The following SCN2A variants were observed in gnomAD, a reference collection of about 807,000 sequenced individuals.
The protein encoded by SCN2A is sodium voltage-gated channel alpha subunit 2.
A neutral mutation model predicts 188.7 loss-of-function variants in SCN2A; 20 were observed. The ratio of observed to expected loss-of-function variants is 0.11; its 90% CI spans 0.07 to 0.15. SCN2A has a LOEUF of 0.15. Among genes scored for constraint, SCN2A ranks in the 10% least tolerant of loss-of-function variants. The pLI, the probability that SCN2A is intolerant of heterozygous loss-of-function variation, is 1.00. For missense variants in SCN2A, 1,278 were observed against 2,445.0 expected, an observed-to-expected ratio of 0.52 and a Z score of 10.07; for synonymous variants, 804 against 833.1, an observed-to-expected ratio of 0.97 and a Z score of 0.60.
chr2:165,314,250 G>A lies in SCN2A; in HGVS notation c.1383+142G>A, dbSNP rs969787170. 1.4e-5 allele frequency: 11 copies of A among 794,708 alleles called. No individual in the cohort carries two copies. The East Asian group carries it at 2.9e-4, about 21-fold the overall frequency. 49.2% of individuals were successfully genotyped at this position (794,708 alleles called of 1,614,324 possible). ...TGCTAGGAGCCTGTTTGGTTATTAAGAAGTTATTACTTTATTGCAATGATC... is the reference window on the plus strand; with the variant it reads ...TGCTAGGAGCCTGTTTGGTTATTAAAAAGTTATTACTTTATTGCAATGATC... On this transcript the variant is annotated intron_variant, in intron 10 of 26. Transcript: ENST00000375437.
Position 165,339,589 on chromosome 2 carries a change from T to C in SCN2A, c.2389-2707T>C, listed in dbSNP as rs1163571235. On this transcript the variant is annotated intron_variant, in intron 14 of 26. Coordinates refer to ENST00000375437, the MANE Select transcript of SCN2A (RefSeq NM_001040142.2). ...TCAAAAAACACGAAGAATATAGTAA[T>C]AAATTTAACAAATCATTTCGAGACA... 6.6e-5 allele frequency among the ~76,000 whole-genome samples: 10 copies of C among 152,238 alleles called. No homozygotes were observed. The East Asian group carries it at 1.9e-3, about 29-fold the overall frequency.
chr2:165,310,978 C>T (rs1553568184), intron 7 of SCN2A, among the ~76,000 whole-genome samples: 1 of 151,982 alleles, frequency 6.6e-6, no homozygotes, highest in Non-Finnish European at 1.5e-5. Flanking sequence ...TAATTTGGCC[C>T]TATTTGGTTG....
intron 1 of SCN2A, among the ~76,000 whole-genome samples, chr2:165,256,744 A>T (rs115081165): frequency 0.01 from 1,546 of 152,264 alleles, 23 homozygotes; most frequent in African/African-American, 0.035. Context: ...CCTAAAATTA[A>T]AATGTTCTCT....
At chr2:165,296,990 T>C (rs867192091) in intron 2 of SCN2A, 27 bp from the exon 3 acceptor site, 1 of 1,194,882 alleles carries the variant, frequency 8.4e-7, no homozygotes, top group Non-Finnish European at 1.2e-6. Context: ...CTAAGTTTTA[T>C]TTTATGTGTT....
intron 1 of SCN2A, among the ~76,000 whole-genome samples, chr2:165,258,879 A>G (rs1694447710): frequency 6.6e-6 from 1 of 152,220 alleles, no homozygotes; most frequent in Admixed American, 6.5e-5. Flanking sequence ...TGGGAGCTAA[A>G]CAGTGAGAAC....
intron 12 of SCN2A, among the ~76,000 whole-genome samples, chr2:165,325,224 T>A (rs1217258317): frequency 6.6e-6 from 1 of 152,218 alleles, no homozygotes; most frequent in Non-Finnish European, 1.5e-5. Context: ...ATAAATCTCC[T>A]GTCCTATCAG....
At chr2:165,346,469 A>G (rs535936338) in intron 16 of SCN2A, among the ~76,000 whole-genome samples, 3 of 152,202 alleles carry the variant, frequency 2.0e-5, no homozygotes, top group Non-Finnish European at 4.4e-5. Context: ...CATGGATTAA[A>G]GACTTAAATG....
chr2:165,243,602 A>C (rs1229619742), intron 1 of SCN2A: 2 of 142,206 alleles, frequency 1.4e-5, no homozygotes, highest in Admixed American at 6.8e-5. Flanking sequence ...ACTCTGTTAA[A>C]AAAAAAAAAA....
intron 8 of SCN2A, among the ~76,000 whole-genome samples, chr2:165,312,527 G>A (rs1318372813): frequency 6.6e-6 from 1 of 152,066 alleles, no homozygotes; most frequent in Non-Finnish European, 1.5e-5. Flanking sequence ...ACATAAACTG[G>A]AGAGTCTGCA....
chr2:165,320,054 A>C (rs1388802574), intron 11 of SCN2A, among the ~76,000 whole-genome samples: 4 of 152,236 alleles, frequency 2.6e-5, no homozygotes, highest in African/African-American at 9.6e-5. Flanking sequence ...CTGAAAAATC[A>C]AAAGCAAGTT....
intron 3 of SCN2A, among the ~76,000 whole-genome samples, chr2:165,305,317 TGATAA>T (rs958680185): frequency 6.6e-6 from 1 of 152,194 alleles, no homozygotes; most frequent in African/African-American, 2.4e-5. Context: ...TTTGAAGTGT[TGATAA>T]GATATGTAAG....
At chr2:165,275,721 G>A (rs1197966157) in intron 1 of SCN2A, among the ~76,000 whole-genome samples, 3 of 151,950 alleles carry the variant, frequency 2.0e-5, no homozygotes, top group Admixed American at 2.0e-4. Context: ...TATACTGGAT[G>A]TTTTACTTGA....
chr2:165,314,176 C>A, intron 10 of SCN2A, 68 bp downstream of exon 10: 1 of 1,497,842 alleles, frequency 6.7e-7, no homozygotes, highest in Non-Finnish European at 9.2e-7. Context: ...ATGTTGAGGT[C>A]AGTGGCAAGG....
At chr2:165,241,538 G>A (rs183076934) in intron 1 of SCN2A, among the ~76,000 whole-genome samples, 1 of 152,294 alleles carries the variant, frequency 6.6e-6, no homozygotes, top group African/African-American at 2.4e-5. Flanking sequence ...AGAAAAGAAA[G>A]GGATTAAAAT....
chr2:165,389,461 A>G lies in SCN2A; in HGVS notation c.5655A>G (p.Ala1885=), dbSNP rs1277463001. 1 of 1,613,866 alleles carries G rather than the reference A, an allele frequency of 6.2e-7. No homozygotes were observed. The highest frequency in any genetic ancestry group is 1.3e-5 in the African/African-American group (1 of 74,894). ...LRIQMEERFM[A]SNPSKVSYEP... is the part of the protein sequence containing the mutation. The stretch of plus-strand genomic sequence containing the variant: ...TACAGATGGAAGAGCGATTCATGGC[A>G]TCAAACCCCTCCAAAGTCTCTTATG... The change falls in exon 27 of 27, where the codon GCA becomes GCG. Residue 1885 remains alanine (A), a synonymous_variant. Coordinates refer to ENST00000375437, the MANE Select transcript of SCN2A (RefSeq NM_001040142.2). The surrounding 1 kb of genome is among the most constrained non-coding windows in gnomAD (Gnocchi z 4.2).
chr2:165,333,000 A>C (rs912451758), intron 14 of SCN2A, among the ~76,000 whole-genome samples: 3 of 152,000 alleles, frequency 2.0e-5, no homozygotes, highest in Admixed American at 1.3e-4. Flanking sequence ...CTCCATGTAC[A>C]GAAAGTTTGT....
intron 3 of SCN2A, among the ~76,000 whole-genome samples, chr2:165,304,943 A>G (rs1697037066): frequency 6.6e-6 from 1 of 152,220 alleles, no homozygotes; most frequent in Non-Finnish European, 1.5e-5. Context: ...GTGTTAGCAC[A>G]GTATGCAGAA....
chr2:165,387,114 C>T, intron 26 of SCN2A, 98 bp downstream of exon 26: 1 of 1,206,022 alleles, frequency 8.3e-7, no homozygotes, highest in Non-Finnish European at 1.2e-6. Flanking sequence ...CTCATTCATC[C>T]CAAACTCCCA....
rs76747456 is a variant in SCN2A at position 165,350,162 on chromosome 2, A to G, written c.2920-4030A>G. ...AAAGAATGTGACTTTCTGAAAACTGATAGTTCTAGAAGCAGAGAAGACAAC... is the reference window on the plus strand; with the variant it reads ...AAAGAATGTGACTTTCTGAAAACTGGTAGTTCTAGAAGCAGAGAAGACAAC... On this transcript the variant is annotated intron_variant, in intron 16 of 26. Coordinates refer to ENST00000375437, the MANE Select transcript of SCN2A (RefSeq NM_001040142.2). Among the ~76,000 whole-genome samples, 801 of 152,322 alleles carry G rather than the reference A, an allele frequency of 5.3e-3. 3 individuals carry two copies. Among genetic ancestry groups the G allele is most frequent in the South Asian group, 0.017 (83 of 4,828 alleles).
Sources: gnomAD v4.1 joint callset for allele counts (sites outside exome capture counted in the v4.1 genomes callset) on GRCh38, gnomAD v4.1.1 for gene constraint, Gnocchi (gnomAD v3.1) non-coding constraint, MANE v1.5 for transcripts, NCBI Gene and HGNC (gene_info 2026-07-23, HGNC 2026-07-21) for gene names.